NPHP1: variants seen among roughly 807,000 people sequenced by gnomAD.
NPHP1 encodes nephrocystin-1.
A neutral mutation model predicts 90.4 loss-of-function variants in NPHP1; 70 were observed. The ratio of observed to expected loss-of-function variants is 0.77; its 90% confidence interval spans 0.64 to 0.95. NPHP1 has a LOEUF of 0.95. Among genes scored for constraint, NPHP1 ranks in the 40% least tolerant of loss-of-function variants. NPHP1 has a pLI of 0.00. For missense variants in NPHP1, 764 were observed against 795.9 expected (o/e 0.96, Z 0.48); for synonymous variants, 256 against 271.7 (o/e 0.94, Z 0.57).
In NPHP1 at chr2:110,169,867, C is replaced by G; in HGVS notation, c.461G>C (p.Gly154Ala). ...EENESHKWST[G>A]EEYIAVGDFT... ...ATCTCCAACAGCGATGTATTCTTCA[C>G]CGGTTGACCATTTGTGAGATTCATT... is the stretch of plus-strand genomic sequence containing the variant. Residue 154 changes from glycine (G) to alanine (A), a missense_variant, in exon 5 of 20, where the codon GGT becomes GCT. Transcript: ENST00000445609. 2 of 1,613,720 alleles carry G rather than the reference C, an allele frequency of 1.2e-6. No individual in the cohort carries two copies. The highest frequency in any genetic ancestry group is 1.7e-6 in the Non-Finnish European group (2 of 1,179,738).
intron 2 of NPHP1, chr2:110,184,154 C>T (rs1056004736): frequency 1.6e-5 from 9 of 557,364 alleles, no homozygotes; most frequent in Middle Eastern, 3.8e-4. Flanking sequence ...TCCACAAATA[C>T]TGCTTTCCAA....
At chr2:110,202,194 C>T (rs1685616353) in intron 1 of NPHP1, among the ~76,000 whole-genome samples, 1 of 152,124 alleles carries the variant, frequency 6.6e-6, no homozygotes, top group South Asian at 2.1e-4. Context: ...AGTTTGTTTA[C>T]TAACACTATA....
At chr2:110,130,941 G>T (rs1430968175) in intron 17 of NPHP1, among the ~76,000 whole-genome samples, 1 of 152,126 alleles carries the variant, frequency 6.6e-6, no homozygotes, top group Admixed American at 6.5e-5. Context: ...GAAATTATGT[G>T]TTTGAGGCCT....
At chr2:110,150,977 C>A (rs1681425297) in intron 11 of NPHP1, among the ~76,000 whole-genome samples, 2 of 151,330 alleles carry the variant, frequency 1.3e-5, no homozygotes, top group African/African-American at 4.8e-5. Flanking sequence ...ACCAGCCTGG[C>A]CAACATGATG....
At position 110,145,491 on chromosome 2, in the gene NPHP1, T is replaced by C. The variant is rs184916447; in HGVS notation, c.1353-922A>G. On this transcript the variant is annotated intron_variant, in intron 14 of 19. Coordinates refer to ENST00000445609, the MANE Select transcript of NPHP1 (RefSeq NM_001128178.3). Reference sequence around the variant, plus strand: ...TTTTTGTAGAGACAGGGTCTCACCATGTTGCCCAGGCTGGTCTATAACTCC... The same window carrying C: ...TTTTTGTAGAGACAGGGTCTCACCACGTTGCCCAGGCTGGTCTATAACTCC... Among the ~76,000 whole-genome samples, 127 of 152,172 alleles carry C rather than the reference T, an allele frequency of 8.3e-4. 1 individual carries two copies. The East Asian group carries it at 0.015, about 17-fold the overall frequency.
At chr2:110,201,338 G>T in intron 2 of NPHP1, 83 bp downstream of exon 2, 1 of 909,448 alleles carries the variant, frequency 1.1e-6, no homozygotes, top group Non-Finnish European at 1.8e-6. Flanking sequence ...TGATTCCAAA[G>T]GACCAATCTC....
chr2:110,123,677 G>A lies in NPHP1; in HGVS notation c.*114C>T. 9.8e-7 allele frequency: 1 copy of A among 1,015,474 alleles called. No homozygotes were observed. The highest frequency in any genetic ancestry group is 1.5e-6 in the Non-Finnish European group (1 of 655,688). The allele number at this position is 1,015,474 out of a possible 1,614,324, so 62.9% of individuals were successfully genotyped here. On this transcript the variant is annotated 3_prime_UTR_variant, in exon 20 of 20. Transcript: ENST00000445609. ...AAAAATATGGTCTGTAGAAAGAAAA[G>A]AGTAAAACCTAAGTTGTAAAGTGAC...
chr2:110,171,592 A>G (rs1168978525), intron 4 of NPHP1, among the ~76,000 whole-genome samples: 1 of 152,208 alleles, frequency 6.6e-6, no homozygotes, highest in Non-Finnish European at 1.5e-5. Flanking sequence ...TTGATTTTCA[A>G]CGCGTCTCTT....
At chr2:110,126,729 A>T (rs566895399) in intron 18 of NPHP1, 1 of 152,626 alleles carries the variant, frequency 6.6e-6, no homozygotes, top group Non-Finnish European at 1.5e-5. Context: ...GTACATTTTA[A>T]ATTTTATTCA....
intron 1 of NPHP1, among the ~76,000 whole-genome samples, chr2:110,203,645 C>T (rs562314902): frequency 2.0e-5 from 3 of 151,884 alleles, no homozygotes; most frequent in South Asian, 4.2e-4. Context: ...AATCTCTTAC[C>T]GGCCTCAGAT....
intron 2 of NPHP1, among the ~76,000 whole-genome samples, chr2:110,197,460 C>G (rs1467854797): frequency 6.6e-6 from 1 of 152,124 alleles, no homozygotes; most frequent in Non-Finnish European, 1.5e-5. Context: ...CAGCTTCCCA[C>G]TGGCACCTAT....
intron 2 of NPHP1, among the ~76,000 whole-genome samples, chr2:110,199,481 G>A (rs1685416979): frequency 6.6e-6 from 1 of 151,754 alleles, no homozygotes; most frequent in African/African-American, 2.4e-5. Flanking sequence ...ATAAAGAAAA[G>A]TGTTAAAGTC....
chr2:110,146,612 TA>T (rs1681068159), intron 14 of NPHP1, 140 bp downstream of exon 14: 1 of 710,062 alleles, frequency 1.4e-6, no homozygotes, highest in East Asian at 2.7e-5. Flanking sequence ...ATACACTGCC[TA>T]AACAACACTA....
chr2:110,125,877 T>C (rs1679324015), intron 18 of NPHP1, 196 bp from the exon 19 acceptor site: 2 of 607,844 alleles, frequency 3.3e-6, no homozygotes, highest in East Asian at 2.8e-5. Flanking sequence ...CAGATGTATC[T>C]GTGAAAAATG....
chr2:110,191,882 T>C (rs932769517), intron 2 of NPHP1, among the ~76,000 whole-genome samples: 3 of 151,286 alleles, frequency 2.0e-5, no homozygotes, highest in African/African-American at 7.3e-5. Context: ...CTGCTGCTGA[T>C]ACCCAGGCAA....
chr2:110,194,350 C>A (rs367645863), intron 2 of NPHP1, among the ~76,000 whole-genome samples: 3 of 151,410 alleles, frequency 2.0e-5, no homozygotes, highest in South Asian at 2.1e-4. Flanking sequence ...ACAGAAATAC[C>A]AACTACCATC....
At chr2:110,192,420 A>G (rs1684821729) in intron 2 of NPHP1, among the ~76,000 whole-genome samples, 3 of 152,220 alleles carry the variant, frequency 2.0e-5, no homozygotes, top group Non-Finnish European at 4.4e-5. Flanking sequence ...ATGGAAGATC[A>G]AATGAATGAA....
chr2:110,160,270 A>G lies in NPHP1; in HGVS notation c.955-15T>C, dbSNP rs1160576809. 6 of 1,594,290 alleles carry G rather than the reference A, an allele frequency of 3.8e-6. No homozygotes were observed. The highest frequency in any genetic ancestry group is 1.3e-5 in the African/African-American group (1 of 74,506). On this transcript the variant is annotated splice_polypyrimidine_tract_variant and intron_variant, in intron 10 of 19. Transcript: ENST00000445609. Reference sequence around the variant, plus strand: ...CTCGACCTAATCTGAAAGAAAAATTAGTTATAAAAAAGTTTATTTTTATGA... The same window carrying G: ...CTCGACCTAATCTGAAAGAAAAATTGGTTATAAAAAAGTTTATTTTTATGA...
chr2:110,179,617 T>G lies in NPHP1; in HGVS notation c.204+7A>C. The G allele has an allele frequency of 7.9e-7, 1 of 1,269,286 alleles. No individual in the cohort carries two copies. The highest frequency in any genetic ancestry group is 1.1e-6 in the Non-Finnish European group (1 of 871,382). 78.6% of individuals were successfully genotyped at this position (1,269,286 alleles called of 1,614,324 possible). ...GTTTTAATAATGTGATTAACCTCAA[T>G]ACTTACTTTGCTTAATTTTTGAAGA... On this transcript the variant is annotated splice_region_variant and intron_variant, in intron 3 of 19. Transcript: ENST00000445609.
Sources: gnomAD v4.1 joint callset for allele counts (sites outside exome capture counted in the v4.1 genomes callset) on GRCh38, gnomAD v4.1.1 for gene constraint, MANE v1.5 for transcripts, NCBI Gene and HGNC (gene_info 2026-07-23, HGNC 2026-07-21) for gene names.